Variants in DYM observed in about 807,000 individuals in gnomAD.
DYM encodes the protein dyggve-Melchior-Clausen syndrome protein.
A neutral mutation model predicts 93.1 loss-of-function variants in DYM; 78 were observed. That is an observed-to-expected ratio of 0.84 (90% CI 0.70 to 1.01). The LOEUF (loss-of-function observed/expected upper bound fraction) is 1.01, where lower values mean the gene tolerates loss of function less well. Among genes scored for constraint, DYM ranks in the 50% least tolerant of loss-of-function variants. The probability of loss-of-function intolerance (pLI) is 0.00; values close to 1 mark genes in which losing one functional copy is unlikely to be tolerated. For synonymous variants in DYM, 321 were observed against 319.7 expected (o/e 1.00, Z -0.04); for missense variants, 789 against 845.0 (o/e 0.93, Z 0.82).
At chr18:49,373,465 G>A (rs1033672471) in intron 5 of DYM, among the ~76,000 whole-genome samples, 11 of 152,128 alleles carry the variant, frequency 7.2e-5, no homozygotes, top group African/African-American at 2.7e-4. Flanking sequence ...TGGCGCTGGT[G>A]GGAGTGTAGC....
chr18:49,220,570 G>A (rs1349340085), intron 13 of DYM, among the ~76,000 whole-genome samples: 7 of 151,410 alleles, frequency 4.6e-5, no homozygotes, highest in African/African-American at 1.7e-4. Flanking sequence ...TAGATCAATG[G>A]AACAGAACAG....
In DYM at chr18:49,196,438, T is replaced by TACACACAC. The variant is rs35296321; in HGVS notation, c.1625+13105_1625+13112dup. Among the ~76,000 whole-genome samples the TACACACAC allele has an allele frequency of 4.8e-3, 720 of 150,256 alleles. 3 individuals are homozygous for TACACACAC. The highest frequency in any genetic ancestry group is 7.0e-3 in the Non-Finnish European group (475 of 67,526). ...ATATTAAGTGCTAGGGATCAGTGGTTACACACACACACACACACACACACA... is the reference window on the plus strand; with the variant it reads ...ATATTAAGTGCTAGGGATCAGTGGTTACACACACACACACACACACACACACACACACA... On this transcript the variant is annotated intron_variant, in intron 14 of 17. Transcript: ENST00000675505.
chr18:49,315,394 C>A (rs530474169), intron 8 of DYM, among the ~76,000 whole-genome samples: 1 of 152,176 alleles, frequency 6.6e-6, no homozygotes, highest in South Asian at 2.1e-4. Flanking sequence ...ATGGCAACAT[C>A]CGTAGTAAGA....
At chr18:49,424,421 A>G (rs925812917) in intron 2 of DYM, among the ~76,000 whole-genome samples, 1 of 152,136 alleles carries the variant, frequency 6.6e-6, no homozygotes, top group Admixed American at 6.5e-5. Context: ...GCTATTTATG[A>G]CAAACCCTCC....
At chr18:49,331,098 T>C (rs2063274875) in intron 8 of DYM, among the ~76,000 whole-genome samples, 1 of 152,156 alleles carries the variant, frequency 6.6e-6, no homozygotes. Flanking sequence ...GCTGTGGAAA[T>C]GTGTTCCATT....
chr18:49,364,234 C>T (rs1484849306), intron 5 of DYM, among the ~76,000 whole-genome samples: 1 of 152,160 alleles, frequency 6.6e-6, no homozygotes, highest in South Asian at 2.1e-4. Flanking sequence ...CACCTGAGGT[C>T]AGGAGTTCGA....
intron 16 of DYM, among the ~76,000 whole-genome samples, chr18:49,100,834 G>C (rs1285925430): frequency 6.6e-6 from 1 of 152,180 alleles, no homozygotes; most frequent in Non-Finnish European, 1.5e-5. Context: ...CAGGCAAGTG[G>C]GAGGAGTAGG....
chr18:49,272,347 T>C (rs756628872), intron 10 of DYM, 44 bp from the exon 11 acceptor site: 1 of 1,229,140 alleles, frequency 8.1e-7, no homozygotes, highest in Non-Finnish European at 1.2e-6. Flanking sequence ...TACTTCATTA[T>C]AAATCCAAAT....
intron 6 of DYM, among the ~76,000 whole-genome samples, chr18:49,359,397 C>T (rs960761137): frequency 1.3e-5 from 2 of 152,040 alleles, no homozygotes; most frequent in Admixed American, 6.6e-5. Flanking sequence ...AGATTAGTAC[C>T]TCCGTGAATT....
rs181839893 is a variant in DYM, at chr18:49,308,469, G to A, written c.764-21853C>T. ...ACAGATGGTATCATGAAAACATCCC[G>A]GCTTTGAAGCCACACATGATTTTAA... On this transcript the variant is annotated intron_variant, in intron 8 of 17. Transcript: ENST00000675505. Among the ~76,000 whole-genome samples, 115 of 152,168 alleles carry A rather than the reference G, an allele frequency of 7.6e-4. 1 individual carries two copies. The highest frequency in any genetic ancestry group is 2.7e-3 in the African/African-American group (110 of 41,504).
intron 17 of DYM, among the ~76,000 whole-genome samples, chr18:49,057,540 G>A (rs541842227): frequency 6.6e-6 from 1 of 152,330 alleles, no homozygotes; most frequent in East Asian, 1.9e-4. Context: ...AGTGGCCCAG[G>A]AGTCGCCCTG....
intron 17 of DYM, among the ~76,000 whole-genome samples, chr18:49,073,826 A>G (rs1182324015): frequency 9.9e-5 from 15 of 152,056 alleles, no homozygotes; most frequent in Non-Finnish European, 2.9e-5. Flanking sequence ...ACCACAAGAC[A>G]CATTCTTTTT....
intron 1 of DYM, among the ~76,000 whole-genome samples, chr18:49,434,914 T>TAA: frequency 6.6e-6 from 1 of 151,854 alleles, no homozygotes; most frequent in East Asian, 1.9e-4. Flanking sequence ...TTCATCAAAT[T>TAA]AAAAACTTTT....
intron 2 of DYM, among the ~76,000 whole-genome samples, chr18:49,393,922 T>C (rs1299813013): frequency 6.6e-6 from 1 of 152,144 alleles, no homozygotes; most frequent in East Asian, 1.9e-4. Context: ...TATATGAGGC[T>C]CCTAGAGGAG....
chr18:49,064,145 C>G (rs2076211578), intron 17 of DYM, among the ~76,000 whole-genome samples: 1 of 152,050 alleles, frequency 6.6e-6, no homozygotes, highest in Admixed American at 6.5e-5. Context: ...ATTTATAAAC[C>G]TATATAGAAT....
chr18:49,140,821 G>A (rs772207798), intron 15 of DYM, among the ~76,000 whole-genome samples: 2 of 152,138 alleles, frequency 1.3e-5, no homozygotes, highest in Non-Finnish European at 2.9e-5. Flanking sequence ...TATTCCCTAA[G>A]AGAATCCTCT....
At chr18:49,202,700 T>G (rs2145923322) in intron 14 of DYM, among the ~76,000 whole-genome samples, 1 of 77,736 alleles carries the variant, frequency 1.3e-5, no homozygotes, top group Non-Finnish European at 2.6e-5. Flanking sequence ...GTCTGGGAGG[T>G]GAGGAGCGTC....
At chr18:49,365,429 TAA>T (rs1183259434) in intron 5 of DYM, among the ~76,000 whole-genome samples, 1 of 151,676 alleles carries the variant, frequency 6.6e-6, no homozygotes, top group Non-Finnish European at 1.5e-5. Context: ...GAAAAAAAAA[TAA>T]AAGAGTAAGT....
intron 13 of DYM, among the ~76,000 whole-genome samples, chr18:49,228,736 G>GT (rs1356490919): frequency 2.6e-5 from 4 of 152,134 alleles, no homozygotes; most frequent in Non-Finnish European, 4.4e-5. Context: ...GGTAAAAGTT[G>GT]TAACTGTTGG....
Sources: gnomAD v4.1 joint callset for allele counts (sites outside exome capture counted in the v4.1 genomes callset) on GRCh38, gnomAD v4.1.1 for gene constraint, MANE v1.5 for transcripts, NCBI Gene and HGNC (gene_info 2026-07-23, HGNC 2026-07-21) for gene names.